UTP6: variants seen among roughly 807,000 people sequenced by gnomAD.
UTP6 encodes the protein UTP6 small subunit processome component.
A neutral mutation model predicts 96.5 loss-of-function variants in UTP6; 60 were observed. The observed-to-expected ratio is 0.62, with a 90% confidence interval of 0.51 to 0.77. The LOEUF is 0.77. Ranked by LOEUF, UTP6 falls within the 30% of genes least tolerant of loss-of-function variation. The pLI is 0.00. For synonymous variants in UTP6, 215 were observed against 240.1 expected (o/e 0.90, Z 0.96); for missense variants, 637 against 706.5 (o/e 0.90, Z 1.12).
intron 2 of UTP6, among the ~76,000 whole-genome samples, chr17:31,897,774 A>G (rs760743684): frequency 6.6e-6 from 1 of 152,054 alleles, no homozygotes; most frequent in Non-Finnish European, 1.5e-5. Context: ...TAAACATGTG[A>G]TCTTGTTATT....
intron 16 of UTP6, among the ~76,000 whole-genome samples, chr17:31,870,488 TTTGTTTTTG>T (rs958097217): frequency 6.6e-6 from 1 of 151,764 alleles, no homozygotes; most frequent in African/African-American, 2.4e-5. Flanking sequence ...TTTTGGGTTT[TTTGTTTTTG>T]TTGTTGTTGT....
Position 31,878,713 on chromosome 17 carries a change from G to A in UTP6, c.1036C>T (p.Leu346Phe), listed in dbSNP as rs756651290. ...TGTAACAACCTCACCTTCCCTCTAA[G>A]GAACCCACTATTTGACTTCTTAGTA... ...RFTKKSNSGF[L>F]RGKRLERTMT... is the part of the protein sequence containing the mutation. The change falls in exon 12 of 19, where the codon CTT (leucine) becomes TTT (phenylalanine). Residue 346 changes from leucine to phenylalanine, a missense_variant. By Grantham distance (22) the Leu-to-Phe change is conservative (BLOSUM62 0). Transcript: ENST00000261708. The A allele has an allele frequency of 6.2e-7, 1 of 1,613,988 alleles. No individual in the cohort carries two copies. The highest frequency in any genetic ancestry group is 1.1e-5 in the South Asian group (1 of 91,072).
At chr17:31,899,322 A>G (rs1904833226) in intron 2 of UTP6, among the ~76,000 whole-genome samples, 1 of 152,258 alleles carries the variant, frequency 6.6e-6, no homozygotes, top group African/African-American at 2.4e-5. Flanking sequence ...ATTATTAATT[A>G]TTGGCCGGGC....
At chr17:31,882,620 C>T (rs955778774) in intron 10 of UTP6, among the ~76,000 whole-genome samples, 5 of 152,136 alleles carry the variant, frequency 3.3e-5, no homozygotes, top group African/African-American at 1.2e-4. Context: ...CACACCCAGC[C>T]CAGGGTTCTT....
chr17:31,894,284 AG>A (rs376184716), intron 4 of UTP6, among the ~76,000 whole-genome samples: 136 of 135,826 alleles, frequency 1.0e-3, no homozygotes, highest in African/African-American at 3.6e-3. Context: ...AAAAAAAAAA[AG>A]AAAAAAAAAA....
chr17:31,893,317 T>C (rs1047602939), intron 4 of UTP6, among the ~76,000 whole-genome samples: 11 of 150,508 alleles, frequency 7.3e-5, no homozygotes, highest in Admixed American at 6.0e-4. Context: ...TCCCAGCTAC[T>C]AGGGAGGCTG....
At chr17:31,871,859 C>T (rs1327221247) in intron 16 of UTP6, among the ~76,000 whole-genome samples, 1 of 151,898 alleles carries the variant, frequency 6.6e-6, no homozygotes, top group African/African-American at 2.4e-5. Flanking sequence ...CGCCATTACA[C>T]TCAGCCTGGG....
At chr17:31,887,175 T>C in intron 8 of UTP6, 61 bp downstream of exon 8, 1 of 1,431,400 alleles carries the variant, frequency 7.0e-7, no homozygotes, top group Non-Finnish European at 9.8e-7. Flanking sequence ...CTCTTACTCC[T>C]AAGCAGGCTC....
At chr17:31,900,807 G>A (rs927144644) in intron 1 of UTP6, among the ~76,000 whole-genome samples, 3 of 152,150 alleles carry the variant, frequency 2.0e-5, no homozygotes, top group Admixed American at 1.3e-4. Flanking sequence ...ATATATATTA[G>A]GAGAATTTAA....
chr17:31,875,552 T>C, intron 13 of UTP6, 139 bp from the exon 14 acceptor site: 1 of 1,026,030 alleles, frequency 9.7e-7, no homozygotes, highest in Non-Finnish European at 1.4e-6. Flanking sequence ...AGGCCAGGTG[T>C]GGTGGCTCAC....
At chr17:31,866,072 G>A (rs1377908929) in intron 17 of UTP6, among the ~76,000 whole-genome samples, 4 of 150,794 alleles carry the variant, frequency 2.7e-5, no homozygotes, top group South Asian at 2.1e-4. Flanking sequence ...TGGCTCACAC[G>A]GTCAGGAGAT....
intron 7 of UTP6, among the ~76,000 whole-genome samples, chr17:31,888,764 CT>C (rs1359189599): frequency 6.6e-6 from 1 of 152,010 alleles, no homozygotes; most frequent in Non-Finnish European, 1.5e-5. Context: ...AAATTGAAGC[CT>C]TTTTTATTTA....
chr17:31,894,275 A>C (rs1424529565), intron 4 of UTP6, among the ~76,000 whole-genome samples: 1 of 140,834 alleles, frequency 7.1e-6, no homozygotes, highest in Non-Finnish European at 1.5e-5. Context: ...TCTCAAAAAA[A>C]AAAAAAAAAG....
intron 4 of UTP6, 54 bp downstream of exon 4, chr17:31,894,591 T>C (rs1904524526): frequency 3.3e-6 from 4 of 1,221,276 alleles, no homozygotes; most frequent in Non-Finnish European, 3.5e-6. Context: ...TAATACAATA[T>C]GTATAATACT....
chr17:31,889,463 G>A (rs1293987553), intron 6 of UTP6, 60 bp from the exon 7 acceptor site: 57 of 1,122,632 alleles, frequency 5.1e-5, no homozygotes, highest in Non-Finnish European at 6.7e-5. Context: ...GACAAGAAAA[G>A]AACCAAATGA....
At chr17:31,888,418 T>C (rs1911275238) in intron 7 of UTP6, among the ~76,000 whole-genome samples, 1 of 151,926 alleles carries the variant, frequency 6.6e-6, no homozygotes, top group South Asian at 2.1e-4. Flanking sequence ...CAAAAAGATG[T>C]TTTTCCCTGG....
intron 4 of UTP6, 47 bp from the exon 5 acceptor site, chr17:31,892,841 T>C: frequency 6.2e-7 from 1 of 1,610,224 alleles, no homozygotes; most frequent in Admixed American, 1.7e-5. Context: ...GACCTTTACA[T>C]ATAATACACC....
chr17:31,883,441 G>A (rs543681519), intron 10 of UTP6, among the ~76,000 whole-genome samples: 22 of 150,760 alleles, frequency 1.5e-4, no homozygotes, highest in African/African-American at 5.1e-4. Flanking sequence ...TCAGCCTCCC[G>A]AGTAGCTGGG....
At position 31,875,286 on chromosome 17, in the gene UTP6, C is replaced by T; in HGVS notation, c.1253G>A (p.Ser418Asn). 1 of 1,614,160 alleles carries T rather than the reference C, an allele frequency of 6.2e-7. No individual in the cohort carries two copies. Residue 418 changes from serine to asparagine, a missense_variant, in exon 14 of 19, where the codon AGC (serine) becomes AAC (asparagine). Transcript: ENST00000261708. ...TTCAAAAAGCATGGCTATGTCAGGG[C>T]TCTTTGACTCGATCAGCACCTGCAG... is the stretch of plus-strand genomic sequence containing the variant. ...LKLQVLIESK[S>N]PDIAMLFEEA...
Sources: allele counts gnomAD v4.1 joint callset (sites outside exome capture counted in the v4.1 genomes callset), GRCh38; gene constraint gnomAD v4.1.1; transcripts MANE v1.5; gene names NCBI Gene and HGNC (gene_info 2026-07-23, HGNC 2026-07-21).